Variants in ASIC2 observed in about 807,000 individuals in gnomAD.
The protein encoded by ASIC2 is acid sensing ion channel subunit 2, also known as acid-sensing ion channel 2.
ASIC2 carries 25 observed loss-of-function variants against 57.3 expected under a neutral mutation model. The observed-to-expected ratio is 0.44, with a 90% confidence interval of 0.32 to 0.61. The LOEUF (loss-of-function observed/expected upper bound fraction) is 0.61, where lower values mean the gene tolerates loss of function less well. ASIC2 is among the 20% of genes least tolerant of loss of function. The probability of loss-of-function intolerance (pLI) is 0.06; values close to 1 mark genes in which losing one functional copy is unlikely to be tolerated. For missense variants in ASIC2, 641 were observed against 738.1 expected, an observed-to-expected ratio of 0.87 and a Z score of 1.52; for synonymous variants, 319 against 307.5, an observed-to-expected ratio of 1.04 and a Z score of -0.39.
chr17:34,099,176 G>C lies in ASIC2; in HGVS notation c.555+56802C>G, dbSNP rs868823852. Among the ~76,000 whole-genome samples, 75 of 12,458 alleles carry C rather than the reference G, an allele frequency of 6.0e-3. 2 individuals carry two copies. The highest frequency in any genetic ancestry group is 0.012 in the African/African-American group (72 of 6,082). 8.2% of individuals were successfully genotyped at this position (12,458 alleles called of 152,430 possible). On this transcript the variant is annotated intron_variant, in intron 1 of 9. Transcript: ENST00000359872. ...AGAGAGAGAGAGAGAAAGAAAGAAA[G>C]AAAGAAAGAAAGAAAGAAAGAAAGA...
chr17:33,464,928 T>C (rs1912813460), intron 1 of ASIC2, among the ~76,000 whole-genome samples: 1 of 152,046 alleles, frequency 6.6e-6, no homozygotes, highest in African/African-American at 2.4e-5. Context: ...TTTTTTCTGC[T>C]TAGGAAGAAC....
At chr17:33,359,814 A>G (rs957364184) in intron 1 of ASIC2, among the ~76,000 whole-genome samples, 1 of 152,160 alleles carries the variant, frequency 6.6e-6, no homozygotes. Context: ...TGGGGCTATG[A>G]AGTGACTTTG....
At chr17:33,991,893 C>A (rs1307387590) in intron 1 of ASIC2, among the ~76,000 whole-genome samples, 1 of 152,140 alleles carries the variant, frequency 6.6e-6, no homozygotes, top group East Asian at 1.9e-4. Context: ...TTCCTTTCTG[C>A]CCATAACCTT....
At chr17:33,749,691 C>A (rs2142103548) in intron 1 of ASIC2, among the ~76,000 whole-genome samples, 1 of 152,232 alleles carries the variant, frequency 6.6e-6, no homozygotes, top group South Asian at 2.1e-4. Flanking sequence ...GCCTCTCTTA[C>A]AGCTTGCCCC....
chr17:33,674,754 G>C (rs1038907112), intron 1 of ASIC2, among the ~76,000 whole-genome samples: 1 of 152,148 alleles, frequency 6.6e-6, no homozygotes, highest in African/African-American at 2.4e-5. Context: ...TGCTGTCCCT[G>C]GCTGGCCTGA....
chr17:33,531,243 G>T (rs1915041500), intron 1 of ASIC2, among the ~76,000 whole-genome samples: 1 of 152,034 alleles, frequency 6.6e-6, no homozygotes, highest in Non-Finnish European at 1.5e-5. Context: ...GCAGAACCAG[G>T]TGCCACCAAG....
intron 1 of ASIC2, among the ~76,000 whole-genome samples, chr17:33,865,759 T>TAAAAAAAAAAAAAAAAAAAAAAAAA (rs61218521): frequency 8.2e-6 from 1 of 122,104 alleles, no homozygotes; most frequent in Non-Finnish European, 1.7e-5. Flanking sequence ...AAAAAAAAAA[T>TAAAAAAAAAAAAAAAAAAAAAAAAA]AAAAAAAAAA....
chr17:33,390,512 T>C (rs552677902), intron 1 of ASIC2, among the ~76,000 whole-genome samples: 1 of 152,290 alleles, frequency 6.6e-6, no homozygotes, highest in South Asian at 2.1e-4. Flanking sequence ...TTCTGTGCAA[T>C]CCAGGAATCC....
At chr17:33,432,572 G>A (rs1911457237) in intron 1 of ASIC2, among the ~76,000 whole-genome samples, 1 of 152,082 alleles carries the variant, frequency 6.6e-6, no homozygotes, top group African/African-American at 2.4e-5. Flanking sequence ...TCTTCCTTAG[G>A]ACTTTTTTAA....
At chr17:34,120,996 T>A (rs1911601228) in intron 1 of ASIC2, among the ~76,000 whole-genome samples, 1 of 152,014 alleles carries the variant, frequency 6.6e-6, no homozygotes, top group Non-Finnish European at 1.5e-5. Context: ...CGCCTCAGCC[T>A]CCCAAAGTGC....
intron 1 of ASIC2, among the ~76,000 whole-genome samples, chr17:33,667,002 C>T (rs1907495579): frequency 1.3e-5 from 2 of 152,036 alleles, no homozygotes; most frequent in South Asian, 4.2e-4. Context: ...TAACTGGGTG[C>T]CCTGTTTTTT....
intron 1 of ASIC2, among the ~76,000 whole-genome samples, chr17:33,261,277 T>G (rs1909270267): frequency 6.6e-6 from 1 of 152,208 alleles, no homozygotes; most frequent in Non-Finnish European, 1.5e-5. Flanking sequence ...ATAAACACTG[T>G]CTCCCATCTT....
intron 1 of ASIC2, among the ~76,000 whole-genome samples, chr17:33,123,431 T>C (rs1320348459): frequency 2.0e-5 from 3 of 152,200 alleles, no homozygotes; most frequent in Non-Finnish European, 1.5e-5. Context: ...CACTTATATA[T>C]GTGGAATCTA....
chr17:33,992,869 A>G (rs1351085176), intron 1 of ASIC2, among the ~76,000 whole-genome samples: 1 of 152,186 alleles, frequency 6.6e-6, no homozygotes, highest in East Asian at 1.9e-4. Context: ...CTGGGTACTG[A>G]CGGGTTTCAA....
intron 1 of ASIC2, among the ~76,000 whole-genome samples, chr17:34,079,985 G>A (rs1253755974): frequency 5.4e-5 from 2 of 36,800 alleles, no homozygotes; most frequent in African/African-American, 2.0e-4. Context: ...GGGTAAGATA[G>A]GGAAGATGAT....
chr17:33,746,293 T>C (rs992748296), intron 1 of ASIC2, among the ~76,000 whole-genome samples: 4 of 150,542 alleles, frequency 2.7e-5, no homozygotes, highest in Non-Finnish European at 4.4e-5. Flanking sequence ...TATATACATA[T>C]ACACGTATGT....
At chr17:33,212,529 G>T (rs949426637) in intron 1 of ASIC2, among the ~76,000 whole-genome samples, 1 of 152,218 alleles carries the variant, frequency 6.6e-6, no homozygotes, top group African/African-American at 2.4e-5. Flanking sequence ...AACTGTAAGA[G>T]AATAAGTTTC....
intron 1 of ASIC2, among the ~76,000 whole-genome samples, chr17:33,928,439 C>T (rs1915867374): frequency 6.6e-6 from 1 of 152,128 alleles, no homozygotes; most frequent in South Asian, 2.1e-4. Context: ...TCTAAGGTGA[C>T]CCATGCCTCC....
At chr17:33,957,767 C>T (rs1904782991) in intron 1 of ASIC2, among the ~76,000 whole-genome samples, 1 of 152,184 alleles carries the variant, frequency 6.6e-6, no homozygotes, top group Non-Finnish European at 1.5e-5. Flanking sequence ...CTCACGTCCT[C>T]ACATTTCAAA....
Sources: gnomAD v4.1 joint callset for allele counts (sites outside exome capture counted in the v4.1 genomes callset) on GRCh38, gnomAD v4.1.1 for gene constraint, MANE v1.5 for transcripts, NCBI Gene and HGNC (gene_info 2026-07-23, HGNC 2026-07-21) for gene names.